The following DEPDC1B variants were observed in gnomAD, a reference collection of about 807,000 sequenced individuals.
The protein encoded by DEPDC1B is DEP domain-containing protein 1B.
Under a neutral mutation model 66.5 loss-of-function variants are expected in DEPDC1B, and 51 were observed. The ratio of observed to expected loss-of-function variants is 0.77; its 90% CI spans 0.61 to 0.97. DEPDC1B has a LOEUF of 0.97. DEPDC1B is among the 50% of genes least tolerant of loss of function. The probability of loss-of-function intolerance (pLI) is 0.00; values close to 1 mark genes in which losing one functional copy is unlikely to be tolerated. For missense variants in DEPDC1B, 552 were observed against 637.1 expected (o/e 0.87, Z 1.44); for synonymous variants, 226 against 223.6 (o/e 1.01, Z -0.10).
At chr5:60,688,211 T>G (rs914053969) in intron 1 of DEPDC1B, among the ~76,000 whole-genome samples, 1 of 152,128 alleles carries the variant, frequency 6.6e-6, no homozygotes, top group East Asian at 1.9e-4. Flanking sequence ...TTTGCTTACA[T>G]GCAAAACAAA....
At chr5:60,697,668 G>A (rs1221787235) in intron 1 of DEPDC1B, among the ~76,000 whole-genome samples, 1 of 152,064 alleles carries the variant, frequency 6.6e-6, no homozygotes, top group African/African-American at 2.4e-5. Flanking sequence ...ATTGGCTATT[G>A]TTTTCTGTTT....
At chr5:60,603,609 T>A in intron 8 of DEPDC1B, 42 bp from the exon 9 acceptor site, 1 of 1,520,588 alleles carries the variant, frequency 6.6e-7, no homozygotes. Context: ...AGATGAGTAT[T>A]TTTCTGAACT....
At chr5:60,683,227 C>T (rs1398736710) in intron 2 of DEPDC1B, among the ~76,000 whole-genome samples, 1 of 152,110 alleles carries the variant, frequency 6.6e-6, no homozygotes, top group Non-Finnish European at 1.5e-5. Flanking sequence ...CTCAGGGGTT[C>T]AAGACCAGCC....
chr5:60,614,421 C>G (rs1239795785), intron 7 of DEPDC1B, among the ~76,000 whole-genome samples: 1 of 152,100 alleles, frequency 6.6e-6, no homozygotes, highest in African/African-American at 2.4e-5. Context: ...GGGCTAGGTT[C>G]AAGGGATCCT....
At chr5:60,619,683 A>G (rs993845014) in intron 7 of DEPDC1B, among the ~76,000 whole-genome samples, 6 of 152,250 alleles carry the variant, frequency 3.9e-5, no homozygotes, top group African/African-American at 7.2e-5. Context: ...ATGGGTAGGA[A>G]GAATCAATAT....
chr5:60,612,312 A>G (rs563672902), intron 7 of DEPDC1B, among the ~76,000 whole-genome samples: 1 of 151,678 alleles, frequency 6.6e-6, no homozygotes, highest in Non-Finnish European at 1.5e-5. Flanking sequence ...CGTCCCAGCT[A>G]TTTGGGAGGC....
intron 7 of DEPDC1B, among the ~76,000 whole-genome samples, chr5:60,616,796 G>C (rs1356404963): frequency 6.6e-6 from 1 of 152,104 alleles, no homozygotes; most frequent in Non-Finnish European, 1.5e-5. Context: ...ACGCCACAAA[G>C]ATACTCCTCA....
chr5:60,664,289 C>T (rs1325556914), intron 2 of DEPDC1B, among the ~76,000 whole-genome samples: 1 of 152,170 alleles, frequency 6.6e-6, no homozygotes. Flanking sequence ...AAGGGTTGGC[C>T]TCATTGTTTA....
chr5:60,614,356 C>CTGTTT (rs1298221048), intron 7 of DEPDC1B, among the ~76,000 whole-genome samples: 3 of 152,034 alleles, frequency 2.0e-5, no homozygotes, highest in East Asian at 1.9e-4. Flanking sequence ...CCAATTGTCT[C>CTGTTT]TGTTTTGTTT....
chr5:60,695,780 G>C (rs556920239), intron 1 of DEPDC1B, among the ~76,000 whole-genome samples: 1 of 152,106 alleles, frequency 6.6e-6, no homozygotes, highest in Non-Finnish European at 1.5e-5. Flanking sequence ...TTCTTTGTAA[G>C]GGAATGTGAA....
rs533778172 is a variant in DEPDC1B, at chr5:60,657,533, C to T, written c.315-10000G>A. ...AGCATTTGTCTTTAAAAGACTGTATCTTTGCTTTGTTTATGAAGCTTAGTT... is the reference window on the plus strand; with the variant it reads ...AGCATTTGTCTTTAAAAGACTGTATTTTTGCTTTGTTTATGAAGCTTAGTT... On this transcript the variant is annotated intron_variant, in intron 2 of 10. Coordinates refer to ENST00000265036, the MANE Select transcript of DEPDC1B (RefSeq NM_018369.3). Among the ~76,000 whole-genome samples the T allele has an allele frequency of 5.9e-5, 9 of 152,222 alleles. No individual in the cohort carries two copies. The South Asian group carries it at 1.7e-3, about 28-fold the overall frequency.
intron 2 of DEPDC1B, among the ~76,000 whole-genome samples, chr5:60,659,439 A>C (rs971539270): frequency 6.6e-6 from 1 of 152,190 alleles, no homozygotes; most frequent in African/African-American, 2.4e-5. Flanking sequence ...CTTAAGACTC[A>C]GGTGTGAGGC....
chr5:60,619,286 CA>C (rs1268553632), intron 7 of DEPDC1B, among the ~76,000 whole-genome samples: 1 of 152,098 alleles, frequency 6.6e-6, no homozygotes, highest in East Asian at 1.9e-4. Flanking sequence ...AAGTTCTTGC[CA>C]AGGCAATCAG....
At chr5:60,695,684 C>A (rs1754637075) in intron 1 of DEPDC1B, among the ~76,000 whole-genome samples, 1 of 152,246 alleles carries the variant, frequency 6.6e-6, no homozygotes, top group South Asian at 2.1e-4. Context: ...CACTGAGCGA[C>A]TATCTGTTCC....
chr5:60,693,966 A>C (rs1023652322), intron 1 of DEPDC1B, among the ~76,000 whole-genome samples: 1 of 152,148 alleles, frequency 6.6e-6, no homozygotes, highest in Non-Finnish European at 1.5e-5. Context: ...ACATAAACAT[A>C]ATGAAGGCAT....
intron 7 of DEPDC1B, among the ~76,000 whole-genome samples, chr5:60,606,880 C>T (rs1379177721): frequency 6.6e-6 from 1 of 151,970 alleles, no homozygotes; most frequent in East Asian, 1.9e-4. Flanking sequence ...GGTAAAACTG[C>T]TTCTATCAGT....
chr5:60,679,655 C>T (rs1754251558), intron 2 of DEPDC1B, among the ~76,000 whole-genome samples: 1 of 152,152 alleles, frequency 6.6e-6, no homozygotes, highest in Non-Finnish European at 1.5e-5. Context: ...TGAATTTCTA[C>T]CTGTAAGCCA....
intron 2 of DEPDC1B, among the ~76,000 whole-genome samples, chr5:60,668,273 A>AAAATGGATATTT (rs1753948951): frequency 7.5e-6 from 1 of 133,528 alleles, no homozygotes; most frequent in African/African-American, 2.7e-5. Context: ...ATATATATAT[A>AAAATGGATATTT]TATATGTATT....
rs1363200266 is a variant in DEPDC1B, at chr5:60,619,003, T to C, written c.899-13147A>G. Among the ~76,000 whole-genome samples, 3 of 152,214 alleles carry C rather than the reference T, an allele frequency of 2.0e-5. No homozygotes were observed. In the East Asian group the frequency reaches 5.8e-4, roughly 29 times the overall value. Reference sequence around the variant, plus strand: ...TTCAACATATGAAAATCAATAAACGTAATCCAGCATATAAACAGAACCAAA... The same window carrying C: ...TTCAACATATGAAAATCAATAAACGCAATCCAGCATATAAACAGAACCAAA... On this transcript the variant is annotated intron_variant, in intron 7 of 10. Coordinates refer to ENST00000265036, the MANE Select transcript of DEPDC1B (RefSeq NM_018369.3).
Sources: gnomAD v4.1 joint callset for allele counts (sites outside exome capture counted in the v4.1 genomes callset) on GRCh38, gnomAD v4.1.1 for gene constraint, MANE v1.5 for transcripts, NCBI Gene and HGNC (gene_info 2026-07-23, HGNC 2026-07-21) for gene names.